The following CFAP74 variants were observed in gnomAD, a reference collection of about 807,000 sequenced individuals.
The protein encoded by CFAP74 is cilia and flagella associated protein 74, also known as cilia- and flagella-associated protein 74.
In CFAP74, 124 loss-of-function variants were observed where a neutral mutation model predicts 188.9. The ratio of observed to expected loss-of-function variants is 0.66; its 90% CI spans 0.57 to 0.76. CFAP74 has a LOEUF of 0.76. Ranked by LOEUF, CFAP74 falls within the 30% of genes least tolerant of loss-of-function variation. CFAP74 has a pLI of 0.00. For synonymous variants in CFAP74, 956 were observed against 916.7 expected (o/e 1.04, Z -0.77); for missense variants, 2,198 against 2,165.2 (o/e 1.02, Z -0.30).
intron 8 of CFAP74, 121 bp downstream of exon 8, chr1:1,972,816 T>C (rs918424569): frequency 1.1e-5 from 8 of 754,540 alleles, no homozygotes; most frequent in Admixed American, 2.4e-5. Context: ...CACCCCAGCC[T>C]GGGCGACAGA....
At chr1:1,960,288 C>A (rs1487637796) in intron 14 of CFAP74, among the ~76,000 whole-genome samples, 1 of 152,266 alleles carries the variant, frequency 6.6e-6, no homozygotes, top group African/African-American at 2.4e-5. Context: ...AGGCGTGAGG[C>A]AAGTCCCCAG....
At chr1:1,931,131 TA>T (rs1398895008) in intron 25 of CFAP74, among the ~76,000 whole-genome samples, 1 of 152,192 alleles carries the variant, frequency 6.6e-6, no homozygotes, top group Non-Finnish European at 1.5e-5. Context: ...CTAAATGCTT[TA>T]AAAAATTCTT....
chr1:1,972,799 G>A (rs1460478016), intron 8 of CFAP74, 138 bp downstream of exon 8: 7 of 689,772 alleles, frequency 1.0e-5, no homozygotes, highest in South Asian at 1.6e-5. Flanking sequence ...CCGAGATCGC[G>A]CCACGGCACC....
intron 38 of CFAP74, 94 bp from the exon 39 acceptor site, chr1:1,922,482 T>C (rs28692556): frequency 0.078 from 120,725 of 1,547,566 alleles, 11,762 homozygotes; most frequent in African/African-American, 0.41. Flanking sequence ...CCTGACTCCC[T>C]TGGGTCCTCC....
intron 6 of CFAP74, among the ~76,000 whole-genome samples, chr1:1,974,878 CAG>C (rs1656335586): frequency 6.6e-6 from 1 of 152,214 alleles, no homozygotes; most frequent in Admixed American, 6.5e-5. Context: ...AGGATGTGGA[CAG>C]TGTCCTTCTA....
intron 17 of CFAP74, among the ~76,000 whole-genome samples, chr1:1,956,406 C>T (rs1352678913): frequency 6.6e-6 from 1 of 152,140 alleles, no homozygotes; most frequent in Admixed American, 6.5e-5. Context: ...AGGGAGTGTC[C>T]TGCTGCTGCT....
At chr1:1,984,441 T>C (rs1177119117) in intron 6 of CFAP74, 1 of 152,212 alleles carries the variant, frequency 6.6e-6, no homozygotes, top group Non-Finnish European at 1.5e-5. Context: ...ACAGAGCCAG[T>C]TGTCAAAGGA....
At position 1,964,944 on chromosome 1, in the gene CFAP74, C is replaced by T; in HGVS notation, c.1519G>A (p.Gly507Arg). The change falls in exon 13 of 39, where the codon GGG becomes AGG. Residue 507 changes from glycine (G) to arginine (R), a missense_variant. Gly to Arg is a moderately radical substitution (Grantham distance 125). Transcript: ENST00000682832. ...SRVVHKQVVW[G>R]REFQGRPFNS... ...AAGGGGCGTCCTTGGAACTCACGCC[C>T]CCACACCACCTGCTTGTGGACCACC... is the stretch of plus-strand genomic sequence containing the variant. 6.2e-7 allele frequency: 1 copy of T among 1,614,006 alleles called. No homozygotes were observed. The highest frequency in any genetic ancestry group is 8.5e-7 in the Non-Finnish European group (1 of 1,179,982).
chr1:1,965,492 G>A lies in CFAP74; in HGVS notation c.1402-431C>T, dbSNP rs185642788. Among the ~76,000 whole-genome samples, 160 of 152,280 alleles carry A rather than the reference G, an allele frequency of 1.1e-3. 1 individual carries two copies. The highest frequency in any genetic ancestry group is 5.2e-3 in the East Asian group (27 of 5,182). ...ACTGGGCTTTCTCAGATGAAAAGCCGCTTCCCTGGCCAACACCAGCAACCA... is the reference window on the plus strand; with the variant it reads ...ACTGGGCTTTCTCAGATGAAAAGCCACTTCCCTGGCCAACACCAGCAACCA... On this transcript the variant is annotated intron_variant, in intron 12 of 38. Coordinates refer to ENST00000682832, the MANE Select transcript of CFAP74 (RefSeq NM_001304360.2).
chr1:1,977,197 C>T (rs886976550), intron 6 of CFAP74, among the ~76,000 whole-genome samples: 5 of 152,120 alleles, frequency 3.3e-5, no homozygotes, highest in Non-Finnish European at 7.4e-5. Flanking sequence ...TATAGTGACA[C>T]AAAGACTGAC....
Position 1,926,500 on chromosome 1 carries a change from A to G in CFAP74, c.3785T>C (p.Ile1262Thr). The G allele has an allele frequency of 3.9e-6, 6 of 1,550,082 alleles. No individual in the cohort carries two copies. The highest frequency in any genetic ancestry group is 5.2e-6 in the Non-Finnish European group (6 of 1,146,892). ...FGDVAVGHRS[I>T]KKISIQNVSP... Reference sequence around the variant, plus strand: ...GACGTTCTGGATGGAGATCTTCTTGATACTGCGGTGCCCTGAAATGGGGCA... The same window carrying G: ...GACGTTCTGGATGGAGATCTTCTTGGTACTGCGGTGCCCTGAAATGGGGCA... Residue 1262 changes from isoleucine to threonine, a missense_variant, in exon 31 of 39, where the codon ATC becomes ACC. Physicochemically the swap from Ile to Thr is moderately conservative, Grantham distance 89. Transcript: ENST00000682832.
intron 25 of CFAP74, among the ~76,000 whole-genome samples, chr1:1,931,743 CAAA>C (rs34088299): frequency 4.4e-4 from 34 of 77,062 alleles, no homozygotes; most frequent in African/African-American, 1.1e-3. Flanking sequence ...GTCTCTGTCT[CAAA>C]AAAAAAAAAA....
chr1:1,986,150 C>T (rs188783699), intron 5 of CFAP74, among the ~76,000 whole-genome samples: 8 of 152,182 alleles, frequency 5.3e-5, no homozygotes, highest in Admixed American at 1.3e-4. Flanking sequence ...TTTGGGAGGC[C>T]GAGGCGGGTG....
At chr1:1,930,399 C>T (rs534794261) in intron 25 of CFAP74, 63 bp from the exon 26 acceptor site, 18 of 1,442,374 alleles carry the variant, frequency 1.2e-5, no homozygotes, top group East Asian at 2.5e-5. Flanking sequence ...CTGCGGCAGG[C>T]GCGGGGGCCA....
intron 33 of CFAP74, 123 bp from the exon 34 acceptor site, chr1:1,924,643 T>A: frequency 9.3e-7 from 1 of 1,071,628 alleles, no homozygotes; most frequent in Non-Finnish European, 1.3e-6. Context: ...CCGGGTGGCC[T>A]GATGACGCCA....
At chr1:2,001,528 G>A (rs1438245258) in intron 1 of CFAP74, among the ~76,000 whole-genome samples, 2 of 152,092 alleles carry the variant, frequency 1.3e-5, no homozygotes, top group Non-Finnish European at 2.9e-5. Flanking sequence ...CGGTTTCACC[G>A]TGTTAGCCAG....
At chr1:1,964,632 A>G (rs992112960) in intron 13 of CFAP74, among the ~76,000 whole-genome samples, 12 of 152,358 alleles carry the variant, frequency 7.9e-5, no homozygotes, top group Admixed American at 2.6e-4. Flanking sequence ...TCTACTAAAA[A>G]TACAAAAATT....
At chr1:1,999,114 T>C (rs55780084) in intron 1 of CFAP74, among the ~76,000 whole-genome samples, 19,656 of 152,122 alleles carry the variant, frequency 0.13, 1,683 homozygotes, top group South Asian at 0.32. Flanking sequence ...GGAAGAACAA[T>C]GGAACAATAG....
chr1:1,953,868 A>C (rs1236179554), intron 18 of CFAP74: 1 of 152,394 alleles, frequency 6.6e-6, no homozygotes, highest in Non-Finnish European at 1.5e-5. Flanking sequence ...ACTGGACTGA[A>C]GAACTTTGAT....
Sources: allele counts gnomAD v4.1 joint callset (sites outside exome capture counted in the v4.1 genomes callset), GRCh38; gene constraint gnomAD v4.1.1; transcripts MANE v1.5; gene names NCBI Gene and HGNC (gene_info 2026-07-23, HGNC 2026-07-21).